TNKS2: variants seen among roughly 807,000 people sequenced by gnomAD.
The protein encoded by TNKS2 is tankyrase 2, also known as poly [ADP-ribose] polymerase tankyrase-2.
In TNKS2, 72 loss-of-function variants were observed where a neutral mutation model predicts 137.6. The observed-to-expected ratio is 0.52, with a 90% confidence interval of 0.43 to 0.64. The LOEUF (loss-of-function observed/expected upper bound fraction) is 0.64. TNKS2 is among the 30% of genes least tolerant of loss of function. The probability of loss-of-function intolerance (pLI) is 0.00; values close to 1 mark genes in which losing one functional copy is unlikely to be tolerated. For synonymous variants in TNKS2, 516 were observed against 512.1 expected (o/e 1.01, Z -0.10); for missense variants, 1,049 against 1,410.2 (o/e 0.74, Z 4.10).
intron 26 of TNKS2, among the ~76,000 whole-genome samples, chr10:91,862,713 C>A (rs576271589): frequency 3.0e-4 from 46 of 152,178 alleles, no homozygotes; most frequent in Non-Finnish European, 5.0e-4. Context: ...TGATTTTAGT[C>A]TTATCTGATA....
In TNKS2 at chr10:91,864,635, T is replaced by C. The variant is rs1247444981; in HGVS notation, c.*1636T>C. 1 of 152,668 alleles carries C rather than the reference T, an allele frequency of 6.6e-6. No homozygotes were observed. Among genetic ancestry groups the C allele is most frequent in the Non-Finnish European group, 1.5e-5 (1 of 68,040 alleles). The allele number at this position is 152,668 out of a possible 1,614,324, so 9.5% of individuals were successfully genotyped here. On this transcript the variant is annotated 3_prime_UTR_variant, in exon 27 of 27. Coordinates refer to ENST00000371627, the MANE Select transcript of TNKS2 (RefSeq NM_025235.4). ...TGCATTTCTGGAGTTGTTTCTGTGA[T>C]GTAAATTATGATCATTATTTAAGAA...
At chr10:91,852,002 G>T (rs1284639429) in intron 21 of TNKS2, among the ~76,000 whole-genome samples, 2 of 152,296 alleles carry the variant, frequency 1.3e-5, no homozygotes, top group South Asian at 2.1e-4. Context: ...GCCGATGCAG[G>T]TGGATCACGA....
Position 91,819,280 on chromosome 10 carries a change from G to A in TNKS2, c.531G>A (p.Lys177=). The A allele has an allele frequency of 7.0e-7, 1 of 1,421,614 alleles. No individual in the cohort carries two copies. The highest frequency in any genetic ancestry group is 9.3e-7 in the Non-Finnish European group (1 of 1,073,384). The allele number at this position is 1,421,614 out of a possible 1,614,324, so 88.1% of individuals were successfully genotyped here. A position where few individuals can be genotyped will look rare whatever the true frequency, so the allele number is the denominator to read the frequency against. ...TTTTCTAATTCACAGGTGAATATAA[G>A]AAAGATGAACTCTTAGAAAGTGCCA... ...SAKAVLTGEY[K]KDELLESARS... The change falls in exon 4 of 27, where the codon AAG becomes AAA. Residue 177 remains lysine, a synonymous_variant. Transcript: ENST00000371627.
At position 91,849,610 on chromosome 10, in the gene TNKS2, A is replaced by G; in HGVS notation, c.2694+16A>G. 3 of 1,575,490 alleles carry G rather than the reference A, an allele frequency of 1.9e-6. No homozygotes were observed. Among genetic ancestry groups the G allele is most frequent in the African/African-American group, 2.7e-5 (2 of 73,072 alleles). ...GAGAGAACAGGTGAGTAGATAAATC[A>G]TATTGTTTGGATTAGTGTTTTATGG... On this transcript the variant is annotated intron_variant, in intron 20 of 26. Coordinates refer to ENST00000371627, the MANE Select transcript of TNKS2 (RefSeq NM_025235.4).
rs1236563337 is a variant in TNKS2 at position 91,834,080 on chromosome 10, A to G, written c.1447+56A>G. 2.8e-6 allele frequency: 4 copies of G among 1,423,952 alleles called. No individual in the cohort carries two copies. The African/African-American group carries it at 5.7e-5, about 20-fold the overall frequency. The allele number at this position is 1,423,952 out of a possible 1,614,324, so 88.2% of individuals were successfully genotyped here. ...TTAAATTAACCTTTAAAAATTTTTC[A>G]CATATCAGGTATTATAGGTAGGAGT... On this transcript the variant is annotated intron_variant, in intron 12 of 26. Coordinates refer to ENST00000371627, the MANE Select transcript of TNKS2 (RefSeq NM_025235.4).
chr10:91,838,165 A>G (rs1842090503), intron 13 of TNKS2, among the ~76,000 whole-genome samples: 1 of 151,322 alleles, frequency 6.6e-6, no homozygotes, highest in South Asian at 2.1e-4. Context: ...TAAAGACTAA[A>G]CTTTGTTTTT....
intron 16 of TNKS2, 86 bp downstream of exon 16, chr10:91,842,477 T>C: frequency 7.8e-7 from 1 of 1,284,274 alleles, no homozygotes; most frequent in Non-Finnish European, 1.1e-6. Flanking sequence ...AACTAAACTT[T>C]AAAAATTCAA....
At chr10:91,817,382 T>C (rs556523452) in intron 3 of TNKS2, among the ~76,000 whole-genome samples, 153 bp downstream of exon 3, 8 of 152,348 alleles carry the variant, frequency 5.3e-5, no homozygotes, top group African/African-American at 1.7e-4. Context: ...TAGCTGACAT[T>C]TTATTCTCCT....
At chr10:91,838,570 G>T (rs1285660574) in intron 13 of TNKS2, among the ~76,000 whole-genome samples, 1 of 152,180 alleles carries the variant, frequency 6.6e-6, no homozygotes. Flanking sequence ...AGAATGGCCT[G>T]TGATAACTAC....
At chr10:91,843,737 T>C (rs1238810359) in intron 16 of TNKS2, among the ~76,000 whole-genome samples, 1 of 152,340 alleles carries the variant, frequency 6.6e-6, no homozygotes, top group South Asian at 2.1e-4. Context: ...TTTGTCTAAA[T>C]ATACATGATT....
intron 21 of TNKS2, among the ~76,000 whole-genome samples, chr10:91,852,485 G>T (rs1490657658): frequency 1.3e-5 from 2 of 152,098 alleles, no homozygotes; most frequent in Admixed American, 1.3e-4. Context: ...GCGTGAACCC[G>T]GGAGGCGGAA....
chr10:91,838,036 A>ATTTTTTTTTTTTT (rs71025367), intron 13 of TNKS2, among the ~76,000 whole-genome samples: 5 of 51,236 alleles, frequency 9.8e-5, no homozygotes, highest in Non-Finnish European at 1.4e-4. Context: ...CAATTAGCTG[A>ATTTTTTTTTTTTT]TTTTTTTTTT....
In TNKS2 at chr10:91,828,068, G is replaced by C. The variant is rs10509638; in HGVS notation, c.983-217G>C. On this transcript the variant is annotated intron_variant, in intron 8 of 26. Transcript: ENST00000371627. ...GTGGGCTAAACCTGTGTATACTCTT[G>C]AGGCCATATGTCTATACAGTTGCAC... 0.18 allele frequency among the ~76,000 whole-genome samples: 27,519 copies of C among 152,042 alleles called. 3,576 individuals are homozygous for C. The highest frequency in any genetic ancestry group is 0.36 in the African/African-American group (14,979 of 41,416).
chr10:91,811,985 G>A (rs907491152), intron 1 of TNKS2, among the ~76,000 whole-genome samples: 2 of 151,984 alleles, frequency 1.3e-5, no homozygotes, highest in Non-Finnish European at 2.9e-5. Context: ...GCATGAACCC[G>A]GGAGGCGGAG....
chr10:91,811,830 C>T (rs1203760348), intron 1 of TNKS2, among the ~76,000 whole-genome samples: 3 of 152,046 alleles, frequency 2.0e-5, no homozygotes, highest in Non-Finnish European at 4.4e-5. Flanking sequence ...GAGACCAAGG[C>T]GGGTGGATCA....
chr10:91,841,877 TA>T (rs1410363362), intron 15 of TNKS2, among the ~76,000 whole-genome samples: 1 of 152,170 alleles, frequency 6.6e-6, no homozygotes, highest in Non-Finnish European at 1.5e-5. Flanking sequence ...TCATGAAAAG[TA>T]AAAATAGTAT....
At position 91,851,323 on chromosome 10, in the gene TNKS2, C is replaced by A. The variant is rs1352866602; in HGVS notation, c.2802C>A (p.Ile934=). Residue 934 remains isoleucine (I), a synonymous_variant, in exon 21 of 27, where the codon ATC becomes ATA. Coordinates refer to ENST00000371627, the MANE Select transcript of TNKS2 (RefSeq NM_025235.4). ...HKLIKGVERL[I]SGQQGLNPYL... ...TAATTAAAGGAGTCGAGAGACTTAT[C>A]TCCGGACAACAAGGTATTTTATTTT... 6.2e-7 allele frequency: 1 copy of A among 1,608,184 alleles called. No individual in the cohort carries two copies. The highest frequency in any genetic ancestry group is 1.1e-5 in the South Asian group (1 of 89,252).
chr10:91,856,371 C>G (rs1842703664), intron 23 of TNKS2, among the ~76,000 whole-genome samples: 1 of 152,146 alleles, frequency 6.6e-6, no homozygotes, highest in Non-Finnish European at 1.5e-5. Flanking sequence ...AAATGCCTTT[C>G]TAATACACAA....
intron 1 of TNKS2, among the ~76,000 whole-genome samples, chr10:91,800,142 AG>A (rs1435961345): frequency 6.6e-6 from 1 of 152,218 alleles, no homozygotes; most frequent in Admixed American, 6.5e-5. Context: ...TAGGGAACCT[AG>A]GTGGGAGAAC....
Sources: allele counts gnomAD v4.1 joint callset (sites outside exome capture counted in the v4.1 genomes callset), GRCh38; gene constraint gnomAD v4.1.1; transcripts MANE v1.5; gene names NCBI Gene and HGNC (gene_info 2026-07-23, HGNC 2026-07-21).